DAB1: variants seen among roughly 807,000 people sequenced by gnomAD.
The protein encoded by DAB1 is disabled homolog 1.
A neutral mutation model predicts 64.6 loss-of-function variants in DAB1; 15 were observed. The observed-to-expected ratio is 0.23, with a 90% CI of 0.16 to 0.36. DAB1 has a LOEUF of 0.36. DAB1 is among the 10% of genes least tolerant of loss of function. The pLI is 1.00. For missense variants in DAB1, 596 were observed against 706.7 expected (o/e 0.84, Z 1.78); for synonymous variants, 235 against 251.9 (o/e 0.93, Z 0.64).
intron 3 of DAB1, among the ~76,000 whole-genome samples, chr1:58,436,239 G>A (rs1644943071): frequency 6.6e-6 from 1 of 152,114 alleles, no homozygotes; most frequent in Admixed American, 6.5e-5. Context: ...GTGGCATGGA[G>A]TGCCAAGAAT....
intron 5 of DAB1, among the ~76,000 whole-genome samples, chr1:58,076,850 G>A (rs1314650214): frequency 2.0e-5 from 3 of 152,200 alleles, no homozygotes; most frequent in Non-Finnish European, 2.9e-5. Flanking sequence ...GAAGCTTCAG[G>A]GAGAGGTCAG....
chr1:58,423,476 G>T (rs958825875), intron 3 of DAB1, among the ~76,000 whole-genome samples: 1 of 152,178 alleles, frequency 6.6e-6, no homozygotes, highest in African/African-American at 2.4e-5. Flanking sequence ...CCCAGCCCCA[G>T]CTCTGTGCTG....
chr1:57,040,828 A>G (rs931880196), intron 9 of DAB1, among the ~76,000 whole-genome samples: 6 of 152,234 alleles, frequency 3.9e-5, no homozygotes, highest in African/African-American at 1.4e-4. Context: ...TACTTTGAAA[A>G]GGGAGTGAAT....
intron 1 of DAB1, chr1:58,539,352 T>C: frequency 1.3e-6 from 1 of 747,754 alleles, no homozygotes; most frequent in South Asian, 1.7e-5. Flanking sequence ...GGAAAATATT[T>C]ACTTACCAAA....
intron 3 of DAB1, among the ~76,000 whole-genome samples, chr1:58,494,870 A>C (rs1645768186): frequency 6.6e-6 from 1 of 152,236 alleles, no homozygotes; most frequent in African/African-American, 2.4e-5. Context: ...GCGATTCCTC[A>C]GGGATCTAGA....
chr1:57,869,978 T>C (rs1643911248), intron 1 of DAB1, among the ~76,000 whole-genome samples: 1 of 152,112 alleles, frequency 6.6e-6, no homozygotes, highest in Non-Finnish European at 1.5e-5. Context: ...CTTCCCGGAC[T>C]ATGTCAAACT....
chr1:58,023,797 TCTAA>T (rs201789229), intron 5 of DAB1, among the ~76,000 whole-genome samples: 1 of 152,198 alleles, frequency 6.6e-6, no homozygotes, highest in East Asian at 1.9e-4. Flanking sequence ...GGACCCAGCA[TCTAA>T]CTAAGCAGTT....
At chr1:58,086,224 A>G (rs1650303566) in intron 5 of DAB1, among the ~76,000 whole-genome samples, 1 of 151,788 alleles carries the variant, frequency 6.6e-6, no homozygotes. Flanking sequence ...CGGCCTCCCA[A>G]AGTGCTGGGA....
intron 5 of DAB1, among the ~76,000 whole-genome samples, chr1:58,143,444 G>T (rs1654397866): frequency 6.6e-6 from 1 of 152,104 alleles, no homozygotes; most frequent in Non-Finnish European, 1.5e-5. Context: ...GCTGATAACT[G>T]CCATGTTTCT....
chr1:57,483,884 A>T (rs1445791617), intron 7 of DAB1, among the ~76,000 whole-genome samples: 1 of 152,204 alleles, frequency 6.6e-6, no homozygotes, highest in Non-Finnish European at 1.5e-5. Context: ...AAGACAGATC[A>T]TCATATCCCT....
At chr1:57,695,605 T>C (rs547337588) in intron 6 of DAB1, among the ~76,000 whole-genome samples, 10 of 152,030 alleles carry the variant, frequency 6.6e-5, no homozygotes, top group Admixed American at 2.0e-4. Flanking sequence ...TCTCCTTAAA[T>C]AGGCAAATGG....
chr1:57,003,742 C>T lies in DAB1; in HGVS notation c.*16-5614G>A, dbSNP rs753051920. Among the ~76,000 whole-genome samples the T allele has an allele frequency of 3.9e-5, 6 of 152,140 alleles. No homozygotes were observed. The South Asian group carries it at 1.0e-3, about 26-fold the overall frequency. ...TAGTCTAATCTACTTTCCATCTCCA[C>T]GATTTTACCTAGTCTTGTTTTTAAA... is the stretch of plus-strand genomic sequence containing the variant. On this transcript the variant is annotated intron_variant, in intron 14 of 14. Coordinates refer to ENST00000371236, the MANE Select transcript of DAB1 (RefSeq NM_001365792.1).
intron 3 of DAB1, among the ~76,000 whole-genome samples, chr1:58,494,489 G>A (rs1272733176): frequency 1.2e-4 from 19 of 152,244 alleles, no homozygotes; most frequent in Admixed American, 5.2e-4. Context: ...GCAACCTACA[G>A]AATGGGAGAA....
intron 6 of DAB1, among the ~76,000 whole-genome samples, chr1:57,757,268 C>G (rs1245119944): frequency 1.4e-5 from 2 of 143,018 alleles, no homozygotes; most frequent in Admixed American, 7.8e-5. Context: ...TCAAATGGAC[C>G]AGGAACTAAA....
At chr1:57,230,320 GAAAAA>G (rs77981305) in intron 2 of DAB1, among the ~76,000 whole-genome samples, 2 of 91,352 alleles carry the variant, frequency 2.2e-5, no homozygotes, top group African/African-American at 7.6e-5. Context: ...CCCCTTCAGA[GAAAAA>G]AAAAAAAAAA....
At chr1:57,632,966 GAT>G (rs528126589) in intron 7 of DAB1, among the ~76,000 whole-genome samples, 48 of 152,258 alleles carry the variant, frequency 3.2e-4, no homozygotes, top group Admixed American at 2.6e-3. Context: ...TAAGACCAAA[GAT>G]ATGATCAAAA....
At chr1:58,412,703 A>T (rs1469245974) in intron 3 of DAB1, among the ~76,000 whole-genome samples, 1 of 152,212 alleles carries the variant, frequency 6.6e-6, no homozygotes, top group Non-Finnish European at 1.5e-5. Flanking sequence ...ACTACAGAGC[A>T]ATTGCCCAAT....
intron 4 of DAB1, among the ~76,000 whole-genome samples, chr1:58,156,811 T>C (rs887435672): frequency 1.2e-4 from 19 of 152,162 alleles, no homozygotes; most frequent in African/African-American, 4.3e-4. Flanking sequence ...AAAATCATGC[T>C]GCACAAGGAG....
At chr1:57,742,870 C>A (rs1170244467) in intron 6 of DAB1, among the ~76,000 whole-genome samples, 1 of 152,112 alleles carries the variant, frequency 6.6e-6, no homozygotes, top group Non-Finnish European at 1.5e-5. Context: ...TGTGGAAGTG[C>A]AAAATCAAGA....
Sources: allele counts gnomAD v4.1 joint callset (sites outside exome capture counted in the v4.1 genomes callset), GRCh38; gene constraint gnomAD v4.1.1; transcripts MANE v1.5; gene names NCBI Gene and HGNC (gene_info 2026-07-23, HGNC 2026-07-21).